ITIH2: variants seen among roughly 807,000 people sequenced by gnomAD.
The protein encoded by ITIH2 is inter-alpha-trypsin inhibitor heavy chain H2.
In ITIH2, 103 loss-of-function variants were observed where a neutral mutation model predicts 104.4. That is an observed-to-expected ratio of 0.99 (90% CI 0.84 to 1.16). The LOEUF is 1.16. Ranked by LOEUF, ITIH2 falls within the 50% of genes most tolerant of loss-of-function variation. The pLI is 0.00. For missense variants in ITIH2, 1,108 were observed against 1,162.4 expected (o/e 0.95, Z 0.68); for synonymous variants, 436 against 435.4 (o/e 1.00, Z -0.02).
At position 7,727,757 on chromosome 10, in the gene ITIH2, A is replaced by G. The variant is rs1214906342; in HGVS notation, c.1208A>G (p.Asn403Ser). 4 of 1,614,134 alleles carry G rather than the reference A, an allele frequency of 2.5e-6. No individual in the cohort carries two copies. The highest frequency in any genetic ancestry group is 1.3e-5 in the African/African-American group (1 of 75,060). ...LRAIFILNEA[N>S]NLGLLDPNSV... ...GCAATCTTCATTTTGAATGAAGCCA[A>G]TAACTTGGGACTGTTAGACCCCAAC... The change falls in exon 11 of 21, where the codon AAT becomes AGT. Residue 403 changes from asparagine to serine, a missense_variant. By Grantham distance (46) the Asn-to-Ser change is conservative. Transcript: ENST00000358415.
chr10:7,743,166 AT>A lies in ITIH2; in HGVS notation c.2117del (p.Ile706ThrfsTer34). 6.4e-7 allele frequency: 1 copy of A among 1,561,284 alleles called. No homozygotes were observed. The highest frequency in any genetic ancestry group is 1.2e-5 in the South Asian group (1 of 83,570). ...TCCAGTTGAAAATGACCCACATTTC[AT>A]CATTTATCTACCAAAAAGCCAAAAG... is the stretch of plus-strand genomic sequence containing the variant. Reference protein sequence around the residue: ...VMRVENDPHFIIYLPKSQKNI... With the variant: ...VMRVENDPHFXIYLPKSQKNI... On this transcript the variant is annotated frameshift_variant, in exon 17 of 21. Transcript: ENST00000358415. LOFTEE classifies it high-confidence loss of function.
At chr10:7,709,265 T>G in intron 4 of ITIH2, 74 bp downstream of exon 4, 2 of 1,340,840 alleles carry the variant, frequency 1.5e-6, no homozygotes, top group Non-Finnish European at 2.1e-6. Context: ...ATAGTTAGAA[T>G]GGACTTTAGT....
At chr10:7,746,550 A>G (rs762037941) in intron 19 of ITIH2, 43 bp from the exon 20 acceptor site, 1 of 1,323,012 alleles carries the variant, frequency 7.6e-7, no homozygotes, top group South Asian at 1.2e-5. Context: ...TTTTTATTTA[A>G]CTATGATTAC....
At chr10:7,721,589 C>G in intron 7 of ITIH2, 60 bp from the exon 8 acceptor site, 1 of 1,521,026 alleles carries the variant, frequency 6.6e-7, no homozygotes, top group Non-Finnish European at 9.0e-7. Context: ...GGAGAAGGGG[C>G]AGCGCCAAGC....
chr10:7,726,076 G>C (rs1356797893), intron 9 of ITIH2, among the ~76,000 whole-genome samples: 4 of 152,200 alleles, frequency 2.6e-5, no homozygotes, highest in Non-Finnish European at 5.9e-5. Flanking sequence ...AGCATCATTG[G>C]TGACCTTGAC....
chr10:7,712,704 T>A (rs373900545), intron 4 of ITIH2, among the ~76,000 whole-genome samples: 19 of 152,324 alleles, frequency 1.2e-4, no homozygotes, highest in South Asian at 4.1e-4. Flanking sequence ...ATAAAGGAAG[T>A]CCTGTCCATA....
At position 7,743,266 on chromosome 10, in the gene ITIH2, TA is replaced by T; in HGVS notation, c.2209+12del. ...GTTTCTGACCCAGAATCAGGTAAAA[TA>T]AAAATAAATTATATTTGCACCAATT... On this transcript the variant is annotated splice_region_variant and intron_variant, in intron 17 of 20. Transcript: ENST00000358415. 7.1e-7 allele frequency: 1 copy of T among 1,408,704 alleles called. No individual in the cohort carries two copies. Among genetic ancestry groups the T allele is most frequent in the Non-Finnish European group, 9.9e-7 (1 of 1,007,918 alleles). 87.3% of individuals were successfully genotyped at this position (1,408,704 alleles called of 1,614,324 possible).
intron 18 of ITIH2, 92 bp downstream of exon 18, chr10:7,744,372 A>T: frequency 9.0e-7 from 1 of 1,110,924 alleles, no homozygotes; most frequent in East Asian, 2.4e-5. Context: ...TTGAAAAAAA[A>T]TCATCATTTT....
chr10:7,738,822 T>G, intron 16 of ITIH2, 64 bp downstream of exon 16: 2 of 1,495,780 alleles, frequency 1.3e-6, no homozygotes, highest in Non-Finnish European at 1.8e-6. Flanking sequence ...GGAAGCATTG[T>G]GTGCATGAGG....
At chr10:7,725,454 G>A (rs1027403918) in intron 9 of ITIH2, among the ~76,000 whole-genome samples, 9 of 152,206 alleles carry the variant, frequency 5.9e-5, no homozygotes, top group African/African-American at 2.2e-4. Flanking sequence ...TGAGAGGCAA[G>A]GTGGCTCATG....
intron 7 of ITIH2, 97 bp downstream of exon 7, chr10:7,721,060 G>A: frequency 1.2e-6 from 1 of 802,958 alleles, no homozygotes; most frequent in South Asian, 1.5e-5. Context: ...AAGCAGGCTG[G>A]TGTTGAGGAC....
In ITIH2 at chr10:7,738,619, A is replaced by T; in HGVS notation, c.1958-2A>T. 1 of 1,613,268 alleles carries T rather than the reference A, an allele frequency of 6.2e-7. No homozygotes were observed. Among genetic ancestry groups the T allele is most frequent in the Non-Finnish European group, 8.5e-7 (1 of 1,179,554 alleles). ...CTAACAGATGCAGGTTTGTCTACGC[A>T]GGGGCCCTGTATTACGGCAGCAAAG... is the stretch of plus-strand genomic sequence containing the variant. On this transcript the variant is annotated splice_acceptor_variant, in intron 15 of 20. Coordinates refer to ENST00000358415, the MANE Select transcript of ITIH2 (RefSeq NM_002216.3). LOFTEE classifies it high-confidence loss of function.
intron 19 of ITIH2, among the ~76,000 whole-genome samples, chr10:7,745,872 A>G (rs905549997): frequency 6.6e-6 from 1 of 151,168 alleles, no homozygotes; most frequent in African/African-American, 2.4e-5. Context: ...CTCTTCCCTC[A>G]GCCTCCCGAG....
intron 15 of ITIH2, among the ~76,000 whole-genome samples, chr10:7,737,599 TATATTCTATAGA>T (rs1199868842): frequency 7.1e-5 from 9 of 127,414 alleles, no homozygotes; most frequent in African/African-American, 2.8e-4. Context: ...TATTATATTC[TATATTCTATAGA>T]ATATTCTATA....
chr10:7,707,325 C>A (rs929586915), intron 3 of ITIH2, 92 bp downstream of exon 3: 2 of 923,456 alleles, frequency 2.2e-6, no homozygotes, highest in South Asian at 1.4e-5. Context: ...TCTTCATCAC[C>A]GAGTATTTAC....
At position 7,717,679 on chromosome 10, in the gene ITIH2, G is replaced by T; in HGVS notation, c.521G>T (p.Gly174Val). The part of the protein sequence containing the change: ...NFRTEVNVLP[G>V]AKVQFELHYQ... ...AGAACGGAAGTAAATGTCCTCCCAGGAGCAAAGGTGCAGTTCGAACTTCAC... is the reference window on the plus strand; with the variant it reads ...AGAACGGAAGTAAATGTCCTCCCAGTAGCAAAGGTGCAGTTCGAACTTCAC... The change falls in exon 6 of 21, where the codon GGA becomes GTA. Residue 174 changes from glycine (G) to valine (V), a missense_variant. Coordinates refer to ENST00000358415, the MANE Select transcript of ITIH2 (RefSeq NM_002216.3). The T allele has an allele frequency of 1.2e-6, 2 of 1,613,920 alleles. No homozygotes were observed. The highest frequency in any genetic ancestry group is 1.7e-6 in the Non-Finnish European group (2 of 1,179,972).
chr10:7,743,861 T>C (rs928908976), intron 17 of ITIH2, among the ~76,000 whole-genome samples: 1 of 151,980 alleles, frequency 6.6e-6, no homozygotes, highest in Admixed American at 6.6e-5. Flanking sequence ...ATTTTATAAC[T>C]GATATAAAAT....
intron 5 of ITIH2, among the ~76,000 whole-genome samples, chr10:7,714,297 G>A (rs944019032): frequency 2.0e-5 from 3 of 150,168 alleles, no homozygotes; most frequent in Admixed American, 6.7e-5. Flanking sequence ...TCAGCCTCCA[G>A]AGTAGCTGGG....
Position 7,744,242 on chromosome 10 carries a change from CT to C in ITIH2, c.2372del (p.Leu791CysfsTer18). The C allele has an allele frequency of 6.2e-7, 1 of 1,614,132 alleles. No homozygotes were observed. ...TLSHGSSTFS[L>X]SWSDTAQVTN... ...TGAGCCATGGTTCTAGCACATTCTC[CT>C]TGTCCTGGTCCGACACGGCTCAAGT... On this transcript the variant is annotated frameshift_variant, in exon 18 of 21. Coordinates refer to ENST00000358415, the MANE Select transcript of ITIH2 (RefSeq NM_002216.3). LOFTEE classifies it high-confidence loss of function.
Sources: gnomAD v4.1 joint callset for allele counts (sites outside exome capture counted in the v4.1 genomes callset) on GRCh38, gnomAD v4.1.1 for gene constraint, MANE v1.5 for transcripts, NCBI Gene and HGNC (gene_info 2026-07-23, HGNC 2026-07-21) for gene names.